PTPRN2: variants seen among roughly 807,000 people sequenced by gnomAD.
PTPRN2 encodes protein tyrosine phosphatase receptor type N2.
Under a neutral mutation model 118.8 loss-of-function variants are expected in PTPRN2, and 74 were observed. That is an observed-to-expected ratio of 0.62 (90% CI 0.52 to 0.76). The LOEUF is 0.76. PTPRN2 is among the 30% of genes least tolerant of loss of function. The pLI, the probability that PTPRN2 is intolerant of heterozygous loss-of-function variation, is 0.00. For synonymous variants in PTPRN2, 641 were observed against 608.0 expected (o/e 1.05, Z -0.80); for missense variants, 1,481 against 1,394.4 (o/e 1.06, Z -0.99).
intron 1 of PTPRN2, among the ~76,000 whole-genome samples, chr7:158,511,722 G>A (rs927335321): frequency 2.0e-5 from 3 of 152,240 alleles, no homozygotes; most frequent in Non-Finnish European, 2.9e-5. Flanking sequence ...CACGGTGGGA[G>A]GCAGCATGCT....
intron 3 of PTPRN2, among the ~76,000 whole-genome samples, chr7:158,231,687 A>G (rs1008750998): frequency 2.0e-5 from 3 of 152,346 alleles, no homozygotes; most frequent in East Asian, 3.9e-4. Context: ...TCATCAGAGC[A>G]TGAAGCACTC....
chr7:158,163,476 T>G (rs72505555), intron 6 of PTPRN2, among the ~76,000 whole-genome samples: 1 of 148,212 alleles, frequency 6.7e-6, no homozygotes, highest in Non-Finnish European at 1.5e-5. Flanking sequence ...CTGCGTGTTT[T>G]GTAGGTGATA....
chr7:158,134,443 AAATAAT>A (rs552689740), intron 8 of PTPRN2, among the ~76,000 whole-genome samples: 3 of 151,890 alleles, frequency 2.0e-5, no homozygotes, highest in African/African-American at 7.3e-5. Flanking sequence ...AATGAACACT[AAATAAT>A]AATAATAATA....
At chr7:158,016,758 C>T (rs989111414) in intron 11 of PTPRN2, among the ~76,000 whole-genome samples, 5 of 152,146 alleles carry the variant, frequency 3.3e-5, no homozygotes, top group Admixed American at 6.5e-5. Context: ...GCTGGCAAGA[C>T]CGTGTTTACC....
At chr7:158,388,244 C>T (rs576968263) in intron 2 of PTPRN2, among the ~76,000 whole-genome samples, 33 of 152,274 alleles carry the variant, frequency 2.2e-4, no homozygotes, top group Admixed American at 5.9e-4. Flanking sequence ...ACATCCTCCA[C>T]GGGAAGCCAC....
At chr7:158,295,870 C>CAGTT (rs1333056322) in intron 3 of PTPRN2, among the ~76,000 whole-genome samples, 1 of 152,394 alleles carries the variant, frequency 6.6e-6, no homozygotes, top group East Asian at 1.9e-4. Context: ...CCATAGCACC[C>CAGTT]AGTTGTGCAC....
At chr7:158,511,774 G>A (rs879783589) in intron 1 of PTPRN2, among the ~76,000 whole-genome samples, 2 of 152,318 alleles carry the variant, frequency 1.3e-5, no homozygotes, top group East Asian at 1.9e-4. Flanking sequence ...CACAGAGGCC[G>A]GAAAGAGCCA....
intron 6 of PTPRN2, among the ~76,000 whole-genome samples, chr7:158,139,392 A>G (rs1298113930): frequency 6.6e-6 from 1 of 152,182 alleles, no homozygotes; most frequent in African/African-American, 2.4e-5. Flanking sequence ...ATCTGAAGAC[A>G]GATCATAGAA....
At chr7:158,208,774 T>C (rs62479633) in intron 3 of PTPRN2, among the ~76,000 whole-genome samples, 1 of 152,194 alleles carries the variant, frequency 6.6e-6, no homozygotes, top group Non-Finnish European at 1.5e-5. Context: ...ACTGTAATTG[T>C]GGTGTGTAAA....
chr7:157,828,890 C>A (rs1166293937), intron 12 of PTPRN2, among the ~76,000 whole-genome samples: 1 of 152,208 alleles, frequency 6.6e-6, no homozygotes, highest in African/African-American at 2.4e-5. Flanking sequence ...AAGGGCAAGC[C>A]GTTTGGAGTC....
chr7:158,532,134 G>T (rs896589237), intron 1 of PTPRN2, among the ~76,000 whole-genome samples: 1 of 152,218 alleles, frequency 6.6e-6, no homozygotes, highest in Non-Finnish European at 1.5e-5. Context: ...ATTAACAGAG[G>T]CTCCCTAAAG....
chr7:158,356,911 C>A (rs1055971796), intron 2 of PTPRN2, among the ~76,000 whole-genome samples: 11 of 152,156 alleles, frequency 7.2e-5, no homozygotes, highest in African/African-American at 2.7e-4. Context: ...TCACGATCAT[C>A]ATCGAAACTG....
intron 10 of PTPRN2, among the ~76,000 whole-genome samples, chr7:158,096,758 G>C (rs796602197): frequency 5.9e-5 from 9 of 152,330 alleles, no homozygotes; most frequent in African/African-American, 2.2e-4. Context: ...TTCCTCACTT[G>C]GCAAATCCAG....
intron 11 of PTPRN2, among the ~76,000 whole-genome samples, chr7:158,000,420 T>C (rs10271510): frequency 6.6e-6 from 1 of 151,688 alleles, no homozygotes; most frequent in Admixed American, 6.6e-5. Context: ...ACCCAACACG[T>C]GAAAGCCGTG....
At chr7:157,926,195 G>C in intron 11 of PTPRN2, among the ~76,000 whole-genome samples, 1 of 147,846 alleles carries the variant, frequency 6.8e-6, no homozygotes, top group East Asian at 2.0e-4. Flanking sequence ...ACAGGAAGCT[G>C]AGGGTCCATG....
chr7:158,171,894 C>T lies in PTPRN2; in HGVS notation c.550-4603G>A, dbSNP rs75234941. Among the ~76,000 whole-genome samples, 731 of 152,304 alleles carry T rather than the reference C, an allele frequency of 4.8e-3. 6 individuals are homozygous for T. The highest frequency in any genetic ancestry group is 0.017 in the African/African-American group (701 of 41,546). ...CCAAACCTGGAAATTAGCAGCCTAA[C>T]GGCATAGACACAGACTAATTTCCAG... On this transcript the variant is annotated intron_variant, in intron 5 of 22. Coordinates refer to ENST00000389418, the MANE Select transcript of PTPRN2 (RefSeq NM_002847.5).
At chr7:157,751,070 C>T (rs1446976167) in intron 12 of PTPRN2, among the ~76,000 whole-genome samples, 1 of 152,256 alleles carries the variant, frequency 6.6e-6, no homozygotes, top group Non-Finnish European at 1.5e-5. Flanking sequence ...CCTCCCAGAT[C>T]CTGGCGGGGA....
At position 157,987,901 on chromosome 7, in the gene PTPRN2, C is replaced by T. The variant is rs774736643; in HGVS notation, c.1724-89164G>A. 6.6e-6 allele frequency among the ~76,000 whole-genome samples: 1 copy of T among 152,000 alleles called. No homozygotes were observed. Among genetic ancestry groups the T allele is most frequent in the Non-Finnish European group, 1.5e-5 (1 of 68,016 alleles). The stretch of plus-strand genomic sequence containing the variant: ...CTCTCCCCACACCTGCCATTCCCCA[C>T]GTTAATGCAGCAGGGATCCAGAGAA... On this transcript the variant is annotated intron_variant, in intron 11 of 22. Coordinates refer to ENST00000389418, the MANE Select transcript of PTPRN2 (RefSeq NM_002847.5). The surrounding 1 kb of genome is among the most constrained non-coding windows in gnomAD (Gnocchi z 4.3).
chr7:157,624,148 C>G (rs531566078), intron 14 of PTPRN2, among the ~76,000 whole-genome samples: 1 of 152,152 alleles, frequency 6.6e-6, no homozygotes, highest in South Asian at 2.1e-4. Flanking sequence ...AGGCCGGGCT[C>G]GGTGGCTCAC....
Sources: gnomAD v4.1 joint callset for allele counts (sites outside exome capture counted in the v4.1 genomes callset) on GRCh38, gnomAD v4.1.1 for gene constraint, Gnocchi (gnomAD v3.1) non-coding constraint, MANE v1.5 for transcripts, NCBI Gene and HGNC (gene_info 2026-07-23, HGNC 2026-07-21) for gene names.